Variants in PTPN14 observed in about 807,000 individuals in gnomAD.
PTPN14 encodes the protein tyrosine-protein phosphatase non-receptor type 14.
Under a neutral mutation model 126.8 loss-of-function variants are expected in PTPN14, and 53 were observed. That is an observed-to-expected ratio of 0.42 (90% CI 0.34 to 0.53). The LOEUF (loss-of-function observed/expected upper bound fraction) is 0.53, where lower values mean the gene tolerates loss of function less well. Ranked by LOEUF, PTPN14 falls within the 20% of genes least tolerant of loss-of-function variation. The probability of loss-of-function intolerance (pLI) is 0.08; values close to 1 mark genes in which losing one functional copy is unlikely to be tolerated. For missense variants in PTPN14, 1,257 were observed against 1,552.9 expected, an observed-to-expected ratio of 0.81 and a Z score of 3.20; for synonymous variants, 630 against 599.3, an observed-to-expected ratio of 1.05 and a Z score of -0.75.
At chr1:214,370,727 C>G (rs991989526) in intron 16 of PTPN14, among the ~76,000 whole-genome samples, 1 of 151,998 alleles carries the variant, frequency 6.6e-6, no homozygotes, top group Non-Finnish European at 1.5e-5. Context: ...AGCTTTGCAC[C>G]GTTTTAAAAT....
At chr1:214,533,774 T>C (rs111280617) in intron 1 of PTPN14, among the ~76,000 whole-genome samples, 3,241 of 150,778 alleles carry the variant, frequency 0.021, 110 homozygotes, top group African/African-American at 0.075. Flanking sequence ...GAGGCGGAGC[T>C]TGCAGTGAGC....
rs1354477191 is a variant in PTPN14, at chr1:214,353,548, C to T, written c.*4374G>A. The T allele has an allele frequency of 2.0e-5, 3 of 152,230 alleles. No individual in the cohort carries two copies. The highest frequency in any genetic ancestry group is 2.0e-4 in the Admixed American group (3 of 15,278). The allele number at this position is 152,230 out of a possible 1,614,324, so 9.4% of individuals were successfully genotyped here. A position where few individuals can be genotyped will look rare whatever the true frequency, so the allele number is the denominator to read the frequency against. ...AAGGGAGACTAGAAGGCACATTCTG[C>T]TTTTTGACAAAGGACACTTTTGGGA... On this transcript the variant is annotated 3_prime_UTR_variant, in exon 19 of 19. Transcript: ENST00000366956.
At chr1:214,430,838 A>G (rs1477584262) in intron 3 of PTPN14, among the ~76,000 whole-genome samples, 1 of 152,188 alleles carries the variant, frequency 6.6e-6, no homozygotes, top group Non-Finnish European at 1.5e-5. Context: ...ACACATACTA[A>G]TATGTTGCTC....
chr1:214,392,548 A>G (rs1658780640), intron 10 of PTPN14, among the ~76,000 whole-genome samples: 1 of 152,146 alleles, frequency 6.6e-6, no homozygotes, highest in African/African-American at 2.4e-5. Context: ...ACACCCCCAG[A>G]AGTCAAAGGC....
chr1:214,375,859 G>A lies in PTPN14; in HGVS notation c.2907+360C>T, dbSNP rs377352467. ...AACATGACACTTTTATGTCAGTAAC[G>A]CAATACCTGTAACTTCCAAAGTCTC... On this transcript the variant is annotated intron_variant, in intron 15 of 18. Coordinates refer to ENST00000366956, the MANE Select transcript of PTPN14 (RefSeq NM_005401.5). Among the ~76,000 whole-genome samples the A allele has an allele frequency of 1.8e-3, 272 of 152,210 alleles. 12 individuals carry two copies. The South Asian group carries it at 0.051, about 28-fold the overall frequency.
At chr1:214,532,147 C>G in intron 1 of PTPN14, 1 of 290,080 alleles carries the variant, frequency 3.4e-6, no homozygotes. Context: ...ATACTGAGGT[C>G]GTTGGCAAAG....
At chr1:214,473,972 C>T (rs1660815101) in intron 1 of PTPN14, among the ~76,000 whole-genome samples, 1 of 152,168 alleles carries the variant, frequency 6.6e-6, no homozygotes, top group South Asian at 2.1e-4. Flanking sequence ...ATGAAAATAA[C>T]ATCAACAACA....
chr1:214,393,801 A>G, intron 9 of PTPN14, 24 bp from the exon 10 acceptor site: 1 of 1,514,228 alleles, frequency 6.6e-7, no homozygotes, highest in Non-Finnish European at 9.2e-7. Context: ...AGACAGAGAA[A>G]AAAATAAACA....
chr1:214,550,998 C>G (rs528591665), intron 1 of PTPN14, among the ~76,000 whole-genome samples, 185 bp downstream of exon 1: 1 of 152,346 alleles, frequency 6.6e-6, no homozygotes, highest in African/African-American at 2.4e-5. Flanking sequence ...CCGCGGGCAG[C>G]TCCCACCGCG....
chr1:214,401,500 C>A (rs1659017187), intron 7 of PTPN14, among the ~76,000 whole-genome samples, 185 bp downstream of exon 7: 1 of 152,180 alleles, frequency 6.6e-6, no homozygotes, highest in Non-Finnish European at 1.5e-5. Flanking sequence ...AGGACCATGG[C>A]AAACTTCAAA....
chr1:214,397,933 T>C lies in PTPN14; in HGVS notation c.738A>G (p.Gly246=). The change falls in exon 8 of 19, where the codon GGA becomes GGG. Residue 246 remains glycine, a synonymous_variant. Coordinates refer to ENST00000366956, the MANE Select transcript of PTPN14 (RefSeq NM_005401.5). ...FMGIFVRNRI[G]RQAVIYRWND... ...ACTACCTGTATATTACCGCTTGTCT[T>C]CCAATTCTGTTCCTCACGAAAATCC... 1 of 1,610,140 alleles carries C rather than the reference T, an allele frequency of 6.2e-7. No individual in the cohort carries two copies. The highest frequency in any genetic ancestry group is 8.5e-7 in the Non-Finnish European group (1 of 1,176,390).
chr1:214,411,392 T>C (rs1050249518), intron 5 of PTPN14, among the ~76,000 whole-genome samples: 1 of 152,120 alleles, frequency 6.6e-6, no homozygotes, highest in Non-Finnish European at 1.5e-5. Flanking sequence ...CTGATAGAAC[T>C]GAGAAACAAA....
Position 214,354,153 on chromosome 1 carries a change from A to C in PTPN14, c.*3769T>G, listed in dbSNP as rs1389152265. The C allele has an allele frequency of 6.6e-6, 1 of 152,202 alleles. No individual in the cohort carries two copies. Among genetic ancestry groups the C allele is most frequent in the African/African-American group, 2.4e-5 (1 of 41,454 alleles). The allele number at this position is 152,202 out of a possible 1,614,324, so 9.4% of individuals were successfully genotyped here. ...GACCCTCTCTTCAGGCTGATGAAAG[A>C]GGGGGCCAGAGATGGCCAAGTGACT... On this transcript the variant is annotated 3_prime_UTR_variant, in exon 19 of 19. Transcript: ENST00000366956.
At chr1:214,536,872 C>T (rs1655721681) in intron 1 of PTPN14, among the ~76,000 whole-genome samples, 2 of 152,070 alleles carry the variant, frequency 1.3e-5, no homozygotes, top group African/African-American at 4.8e-5. Flanking sequence ...ACTGTGATTA[C>T]TTTTGCGCCA....
intron 1 of PTPN14, among the ~76,000 whole-genome samples, chr1:214,513,774 T>A (rs1378446557): frequency 6.6e-6 from 1 of 152,192 alleles, no homozygotes; most frequent in African/African-American, 2.4e-5. Flanking sequence ...GGGGCAATAA[T>A]AATGGTATCT....
At chr1:214,446,718 T>G (rs1400370676) in intron 3 of PTPN14, among the ~76,000 whole-genome samples, 1 of 151,072 alleles carries the variant, frequency 6.6e-6, no homozygotes, top group Non-Finnish European at 1.5e-5. Flanking sequence ...GATATATATA[T>G]GGGTTCATAT....
At chr1:214,489,039 T>A (rs1051144676) in intron 1 of PTPN14, among the ~76,000 whole-genome samples, 1 of 152,152 alleles carries the variant, frequency 6.6e-6, no homozygotes, top group Non-Finnish European at 1.5e-5. Context: ...CATAAGGTGG[T>A]TTGAGAAAGG....
chr1:214,414,784 C>G, intron 3 of PTPN14, 58 bp from the exon 4 acceptor site: 2 of 1,367,008 alleles, frequency 1.5e-6, no homozygotes, highest in Non-Finnish European at 2.1e-6. Context: ...GAATATATTC[C>G]CACAACACAG....
At chr1:214,532,750 G>T in intron 1 of PTPN14, 1 of 792,996 alleles carries the variant, frequency 1.3e-6, no homozygotes, top group South Asian at 1.3e-5. Flanking sequence ...GGTCACTGAT[G>T]ACACCAATGT....
Sources: gnomAD v4.1 joint callset for allele counts (sites outside exome capture counted in the v4.1 genomes callset) on GRCh38, gnomAD v4.1.1 for gene constraint, MANE v1.5 for transcripts, NCBI Gene and HGNC (gene_info 2026-07-23, HGNC 2026-07-21) for gene names.